DPYD: variants seen among roughly 807,000 people sequenced by gnomAD.
The protein encoded by DPYD is dihydropyrimidine dehydrogenase.
Under a neutral mutation model 116.2 loss-of-function variants are expected in DPYD, and 109 were observed. That is an observed-to-expected ratio of 0.94 (90% CI 0.80 to 1.10). DPYD has a LOEUF of 1.10. Ranked by LOEUF, DPYD falls within the 50% of genes least tolerant of loss-of-function variation. The probability of loss-of-function intolerance (pLI) is 0.00; values close to 1 mark genes in which losing one functional copy is unlikely to be tolerated. For missense variants in DPYD, 1,302 were observed against 1,254.5 expected, an observed-to-expected ratio of 1.04 and a Z score of -0.57; for synonymous variants, 440 against 432.0, an observed-to-expected ratio of 1.02 and a Z score of -0.23.
At chr1:97,293,267 A>G (rs1243031920) in intron 18 of DPYD, among the ~76,000 whole-genome samples, 1 of 152,186 alleles carries the variant, frequency 6.6e-6, no homozygotes, top group African/African-American at 2.4e-5. Context: ...TTTTCATCCT[A>G]CAATATGTTA....
chr1:97,803,903 C>T (rs1667955710), intron 3 of DPYD, among the ~76,000 whole-genome samples: 2 of 151,798 alleles, frequency 1.3e-5, no homozygotes, highest in Non-Finnish European at 2.9e-5. Flanking sequence ...TACTTGGCAA[C>T]TCCACCTCAT....
At chr1:97,711,000 T>G (rs1238815680) in intron 5 of DPYD, among the ~76,000 whole-genome samples, 1 of 151,888 alleles carries the variant, frequency 6.6e-6, no homozygotes, top group Non-Finnish European at 1.5e-5. Flanking sequence ...TAATGATTAC[T>G]TCAGCAATTT....
intron 11 of DPYD, among the ~76,000 whole-genome samples, chr1:97,556,745 C>T (rs1457392884): frequency 3.3e-5 from 5 of 149,340 alleles, no homozygotes; most frequent in Admixed American, 2.7e-4. Context: ...TTTCTTAATC[C>T]AGTCTATCAT....
rs1672545657 is a variant in DPYD at position 97,887,306 on chromosome 1, T to C, written c.40-3932A>G. Reference sequence around the variant, plus strand: ...GCAACACAGTGAATCCCCATCTCTATAAAAAATACAAAAATTAGCCGGGCA... The same window carrying C: ...GCAACACAGTGAATCCCCATCTCTACAAAAAATACAAAAATTAGCCGGGCA... On this transcript the variant is annotated intron_variant, in intron 1 of 22. Coordinates refer to ENST00000370192, the MANE Select transcript of DPYD (RefSeq NM_000110.4). 3.3e-5 allele frequency among the ~76,000 whole-genome samples: 5 copies of C among 150,476 alleles called. No individual in the cohort carries two copies. In the South Asian group the frequency reaches 8.4e-4, roughly 25 times the overall value.
chr1:97,279,597 G>C (rs991730160), intron 18 of DPYD, among the ~76,000 whole-genome samples: 1 of 152,112 alleles, frequency 6.6e-6, no homozygotes, highest in Non-Finnish European at 1.5e-5. Flanking sequence ...CGCAACCTCC[G>C]CCTCCGGAGT....
rs536247914 is a variant in DPYD at position 97,173,278 on chromosome 1, G to A, written c.2622+19791C>T. ...TATGCACACATATGTACATATATATGCACACATATATGTACACATATGTAC... is the reference window on the plus strand; with the variant it reads ...TATGCACACATATGTACATATATATACACACATATATGTACACATATGTAC... On this transcript the variant is annotated intron_variant, in intron 20 of 22. Coordinates refer to ENST00000370192, the MANE Select transcript of DPYD (RefSeq NM_000110.4). 3.3e-3 allele frequency among the ~76,000 whole-genome samples: 490 copies of A among 147,058 alleles called. 4 individuals carry two copies. Among genetic ancestry groups the A allele is most frequent in the Non-Finnish European group, 5.7e-3 (383 of 66,942 alleles).
chr1:97,618,288 T>C (rs541659616), intron 8 of DPYD, among the ~76,000 whole-genome samples: 4 of 147,170 alleles, frequency 2.7e-5, no homozygotes, highest in Non-Finnish European at 6.0e-5. Context: ...GAAACAGAAA[T>C]TGACAAAAAA....
chr1:97,804,064 C>T (rs898451040), intron 3 of DPYD, among the ~76,000 whole-genome samples: 2 of 151,586 alleles, frequency 1.3e-5, no homozygotes, highest in Non-Finnish European at 3.0e-5. Flanking sequence ...AATTTCATTT[C>T]TAGTGAATAA....
At chr1:97,553,043 T>C (rs1651441347) in intron 11 of DPYD, among the ~76,000 whole-genome samples, 3 of 151,930 alleles carry the variant, frequency 2.0e-5, no homozygotes, top group Admixed American at 6.6e-5. Context: ...ATATAAGCAA[T>C]GCTACAGTGG....
At chr1:97,175,994 C>T (rs556208322) in intron 20 of DPYD, among the ~76,000 whole-genome samples, 11 of 152,254 alleles carry the variant, frequency 7.2e-5, no homozygotes, top group African/African-American at 2.6e-4. Context: ...TGACTTTTAG[C>T]TCATTATAGC....
intron 20 of DPYD, among the ~76,000 whole-genome samples, chr1:97,131,670 T>C (rs142767937): frequency 7.3e-4 from 111 of 152,278 alleles, no homozygotes; most frequent in Middle Eastern, 6.8e-3. Flanking sequence ...TCAGTCTTCA[T>C]GACCTGATCA....
At chr1:97,672,495 C>A (rs1045902866) in intron 8 of DPYD, among the ~76,000 whole-genome samples, 1 of 151,926 alleles carries the variant, frequency 6.6e-6, no homozygotes, top group African/African-American at 2.4e-5. Context: ...GTAGATTAAA[C>A]AATATTACAA....
At chr1:97,533,515 T>C (rs1364020325) in intron 12 of DPYD, among the ~76,000 whole-genome samples, 3 of 152,090 alleles carry the variant, frequency 2.0e-5, no homozygotes, top group Non-Finnish European at 2.9e-5. Context: ...AAGATGTCAA[T>C]GACTAAAGTA....
intron 20 of DPYD, among the ~76,000 whole-genome samples, chr1:97,122,721 T>C (rs570322210): frequency 6.6e-6 from 1 of 152,224 alleles, no homozygotes; most frequent in South Asian, 2.1e-4. Context: ...TACTGTTCTT[T>C]AAAAAAATGT....
chr1:97,474,016 T>TAAAAAAAAAAAAAAAAAA (rs35210810), intron 13 of DPYD, among the ~76,000 whole-genome samples: 1 of 132,076 alleles, frequency 7.6e-6, no homozygotes, highest in African/African-American at 2.9e-5. Context: ...AAACTGTCTT[T>TAAAAAAAAAAAAAAAAAA]AAAAAAAAAA....
chr1:97,297,397 C>T (rs140031876), intron 18 of DPYD, among the ~76,000 whole-genome samples: 164 of 152,244 alleles, frequency 1.1e-3, no homozygotes, highest in Non-Finnish European at 2.1e-3. Flanking sequence ...TTTCTACCAG[C>T]CATTCACATG....
chr1:97,155,723 G>C (rs1236254597), intron 20 of DPYD, among the ~76,000 whole-genome samples: 2 of 149,402 alleles, frequency 1.3e-5, no homozygotes, highest in African/African-American at 4.9e-5. Flanking sequence ...AGATTCTTTT[G>C]TGCTAGTTAT....
chr1:97,540,382 CA>C (rs1185853283), intron 12 of DPYD, among the ~76,000 whole-genome samples: 1 of 142,952 alleles, frequency 7.0e-6, no homozygotes, highest in South Asian at 2.3e-4. Context: ...CAAAACAAAA[CA>C]AAACAAAACA....
chr1:97,609,560 T>C (rs115698228), intron 8 of DPYD, among the ~76,000 whole-genome samples: 1,990 of 152,136 alleles, frequency 0.013, 23 homozygotes, highest in Middle Eastern at 0.024. Context: ...GGTATCCTTA[T>C]GCTCATTTAC....
Sources: gnomAD v4.1 joint callset for allele counts (sites outside exome capture counted in the v4.1 genomes callset) on GRCh38, gnomAD v4.1.1 for gene constraint, MANE v1.5 for transcripts, NCBI Gene and HGNC (gene_info 2026-07-23, HGNC 2026-07-21) for gene names.